FANCC: variants seen among roughly 807,000 people sequenced by gnomAD.
FANCC encodes the protein FA complementation group C.
In FANCC, 55 loss-of-function variants were observed where a neutral mutation model predicts 71.3. The observed-to-expected ratio is 0.77, with a 90% CI of 0.62 to 0.97. The LOEUF is 0.97. Ranked by LOEUF, FANCC falls within the 50% of genes least tolerant of loss-of-function variation. The pLI is 0.00. For synonymous variants in FANCC, 275 were observed against 244.9 expected, an observed-to-expected ratio of 1.12 and a Z score of -1.15; for missense variants, 678 against 670.9, an observed-to-expected ratio of 1.01 and a Z score of -0.12.
At chr9:95,197,843 T>C (rs778214277) in intron 4 of FANCC, among the ~76,000 whole-genome samples, 1 of 152,174 alleles carries the variant, frequency 6.6e-6, no homozygotes, top group Non-Finnish European at 1.5e-5. Context: ...AGCCTGGACA[T>C]GTTCTGAACT....
At chr9:95,253,178 A>C (rs1259577123) in intron 1 of FANCC, among the ~76,000 whole-genome samples, 1 of 152,162 alleles carries the variant, frequency 6.6e-6, no homozygotes, top group Non-Finnish European at 1.5e-5. Context: ...GCTGCTCCAC[A>C]ACCTCTGGGG....
chr9:95,275,520 G>C (rs1352814908), intron 1 of FANCC, among the ~76,000 whole-genome samples: 2 of 151,884 alleles, frequency 1.3e-5, no homozygotes, highest in South Asian at 2.1e-4. Context: ...ATCAATGCAT[G>C]TTCATCAATT....
rs1438781491 is a variant in FANCC, at chr9:95,125,132, A to C, written c.950T>G (p.Val317Gly). The C allele has an allele frequency of 3.1e-6, 5 of 1,614,090 alleles. No individual in the cohort carries two copies. Among genetic ancestry groups the C allele is most frequent in the Non-Finnish European group, 4.2e-6 (5 of 1,180,040 alleles). The change falls in exon 10 of 15, where the codon GTG (valine) becomes GGG (glycine). Residue 317 changes from valine to glycine, a missense_variant. Transcript: ENST00000289081. The stretch of plus-strand genomic sequence containing the variant: ...AGCTTCTACAAAGCACTGCGTAAAC[A>C]CCTGAATAGTGGCTATGATTTCCAG... ...GALEIIATIQ[V>G]FTQCFVEALE... is the part of the protein sequence containing the mutation.
chr9:95,156,816 G>A (rs1044319020), intron 6 of FANCC, among the ~76,000 whole-genome samples: 1 of 152,180 alleles, frequency 6.6e-6, no homozygotes, highest in Admixed American at 6.5e-5. Context: ...CAACCACGCT[G>A]CAGCCATCAT....
chr9:95,210,901 C>A (rs899191934), intron 4 of FANCC, among the ~76,000 whole-genome samples: 1 of 152,102 alleles, frequency 6.6e-6, no homozygotes, highest in Non-Finnish European at 1.5e-5. Context: ...TACAATAGAT[C>A]TTTGTAACCT....
intron 1 of FANCC, among the ~76,000 whole-genome samples, chr9:95,316,468 G>A (rs1209182419): frequency 6.6e-6 from 1 of 152,230 alleles, no homozygotes; most frequent in Non-Finnish European, 1.5e-5. Flanking sequence ...GCATATCACT[G>A]ACAGTGAGTG....
At chr9:95,139,690 A>AT (rs1828293372) in intron 7 of FANCC, among the ~76,000 whole-genome samples, 1 of 151,706 alleles carries the variant, frequency 6.6e-6, no homozygotes, top group African/African-American at 2.4e-5. Flanking sequence ...TGAGCAGACA[A>AT]TGGCTTTATA....
chr9:95,285,597 C>G (rs1046970081), intron 1 of FANCC, among the ~76,000 whole-genome samples: 2 of 151,890 alleles, frequency 1.3e-5, no homozygotes, highest in African/African-American at 4.8e-5. Flanking sequence ...TTGCTTGAGC[C>G]CAGGAAGCTG....
At chr9:95,106,140 C>T (rs1177503478) in intron 14 of FANCC, among the ~76,000 whole-genome samples, 1 of 152,080 alleles carries the variant, frequency 6.6e-6, no homozygotes, top group Non-Finnish European at 1.5e-5. Flanking sequence ...TCTTTTCTCT[C>T]CTTGCTGACA....
intron 4 of FANCC, among the ~76,000 whole-genome samples, chr9:95,188,896 C>T (rs1826899603): frequency 1.3e-5 from 2 of 152,034 alleles, no homozygotes; most frequent in African/African-American, 2.4e-5. Flanking sequence ...ATGATGTGCC[C>T]TATGATTTTT....
chr9:95,212,088 G>A (rs1828541299), intron 4 of FANCC, among the ~76,000 whole-genome samples: 1 of 152,012 alleles, frequency 6.6e-6, no homozygotes, highest in African/African-American at 2.4e-5. Context: ...GAAAACAGAT[G>A]GGGAAAATTA....
At chr9:95,247,630 A>T in intron 2 of FANCC, 114 bp from the exon 3 acceptor site, 1 of 739,212 alleles carries the variant, frequency 1.4e-6, no homozygotes, top group South Asian at 1.5e-5. Context: ...TACCATTTTT[A>T]AAAGTAAGCA....
intron 1 of FANCC, chr9:95,294,946 C>A (rs1834280900): frequency 2.9e-6 from 2 of 697,076 alleles, no homozygotes; most frequent in Non-Finnish European, 2.1e-6. Context: ...CAGTTCTTTG[C>A]CTTTTGTACT....
At chr9:95,166,597 C>G (rs2135549827) in intron 6 of FANCC, among the ~76,000 whole-genome samples, 1 of 152,192 alleles carries the variant, frequency 6.6e-6, no homozygotes, top group East Asian at 1.9e-4. Flanking sequence ...CTTTTAAGTT[C>G]TATACCAGAA....
chr9:95,297,111 G>C (rs1044135177), intron 1 of FANCC, among the ~76,000 whole-genome samples: 1 of 152,206 alleles, frequency 6.6e-6, no homozygotes, highest in Non-Finnish European at 1.5e-5. Context: ...ACCTGACACT[G>C]AGAACTGAAC....
chr9:95,227,908 G>C (rs939300764), intron 4 of FANCC, among the ~76,000 whole-genome samples: 19 of 152,130 alleles, frequency 1.2e-4, no homozygotes, highest in Non-Finnish European at 2.8e-4. Flanking sequence ...CTCAGCCTCT[G>C]CTCACTTGGG....
At chr9:95,148,823 C>G (rs895223117) in intron 7 of FANCC, among the ~76,000 whole-genome samples, 3 of 152,282 alleles carry the variant, frequency 2.0e-5, no homozygotes, top group Admixed American at 1.3e-4. Context: ...TTCCACATTG[C>G]AACTACCCTT....
chr9:95,279,397 T>C lies in FANCC; in HGVS notation c.-78-30028A>G, dbSNP rs761101907. 2.0e-5 allele frequency among the ~76,000 whole-genome samples: 3 copies of C among 149,964 alleles called. No individual in the cohort carries two copies. The South Asian group carries it at 6.3e-4, about 32-fold the overall frequency. ...GTGCATGCCTGTGGTCCCAGTTTCA[T>C]GGGCAGCAAAGGAAGGAGAATCACT... is the stretch of plus-strand genomic sequence containing the variant. On this transcript the variant is annotated intron_variant, in intron 1 of 14. Transcript: ENST00000289081.
chr9:95,124,100 T>A, intron 10 of FANCC, among the ~76,000 whole-genome samples: 1 of 51,346 alleles, frequency 1.9e-5, no homozygotes, highest in Non-Finnish European at 3.6e-5. Context: ...TAAAACCTTG[T>A]CTCAAAAAAA....
Sources: allele counts gnomAD v4.1 joint callset (sites outside exome capture counted in the v4.1 genomes callset), GRCh38; gene constraint gnomAD v4.1.1; transcripts MANE v1.5; gene names NCBI Gene and HGNC (gene_info 2026-07-23, HGNC 2026-07-21).